Variants in XPOT observed in about 807,000 individuals in gnomAD.
The protein encoded by XPOT is exportin for tRNA, also known as exportin-T.
XPOT carries 34 observed loss-of-function variants against 128.2 expected under a neutral mutation model. The ratio of observed to expected loss-of-function variants is 0.27; its 90% CI spans 0.20 to 0.35. The LOEUF (loss-of-function observed/expected upper bound fraction) is 0.35. XPOT is among the 10% of genes least tolerant of loss of function. The probability of loss-of-function intolerance (pLI) is 1.00; values close to 1 mark genes in which losing one functional copy is unlikely to be tolerated. For synonymous variants in XPOT, 348 were observed against 394.3 expected, an observed-to-expected ratio of 0.88 and a Z score of 1.39; for missense variants, 838 against 1,125.3, an observed-to-expected ratio of 0.74 and a Z score of 3.65.
chr12:64,427,057 T>G, intron 15 of XPOT, among the ~76,000 whole-genome samples: 1 of 149,902 alleles, frequency 6.7e-6, no homozygotes, highest in East Asian at 1.9e-4. Flanking sequence ...TATGGTAGAT[T>G]TGGTTCTTCC....
chr12:64,413,654 C>A (rs932950715), intron 2 of XPOT, among the ~76,000 whole-genome samples: 2 of 152,124 alleles, frequency 1.3e-5, no homozygotes, highest in Admixed American at 1.3e-4. Context: ...CTCATTCATA[C>A]AGTTACATAG....
intron 1 of XPOT, among the ~76,000 whole-genome samples, chr12:64,405,701 C>G (rs1208433569): frequency 6.6e-6 from 1 of 152,210 alleles, no homozygotes; most frequent in Non-Finnish European, 1.5e-5. Flanking sequence ...TCACTGCAAC[C>G]TCTGCCTCCC....
rs199897284 is a variant in XPOT, at chr12:64,415,032, G to A, written c.143+43G>A. The A allele has an allele frequency of 7.8e-5, 89 of 1,137,126 alleles. No homozygotes were observed. The African/African-American group carries it at 1.1e-3, about 14-fold the overall frequency. 70.4% of individuals were successfully genotyped at this position (1,137,126 alleles called of 1,614,324 possible). A position where few individuals can be genotyped will look rare whatever the true frequency, so the allele number is the denominator to read the frequency against. The stretch of plus-strand genomic sequence containing the variant: ...TTGCATGACAATTTAAATTTCTGTG[G>A]ACATGACAGGACTGTGAAATTTACC... On this transcript the variant is annotated intron_variant, in intron 3 of 24. Coordinates refer to ENST00000332707, the MANE Select transcript of XPOT (RefSeq NM_007235.6).
At chr12:64,426,095 C>A (rs181614519) in intron 15 of XPOT, among the ~76,000 whole-genome samples, 186 bp downstream of exon 15, 2 of 152,070 alleles carry the variant, frequency 1.3e-5, no homozygotes, top group Non-Finnish European at 2.9e-5. Context: ...ATCACAAGGT[C>A]AGGAGTTGGA....
At chr12:64,407,988 A>G (rs1457580144) in intron 1 of XPOT, among the ~76,000 whole-genome samples, 1 of 152,134 alleles carries the variant, frequency 6.6e-6, no homozygotes, top group Non-Finnish European at 1.5e-5. Context: ...TGGTTTTGCT[A>G]TTCCCAAAAG....
At chr12:64,429,815 TC>T (rs763714686) in intron 16 of XPOT, among the ~76,000 whole-genome samples, 1 of 152,320 alleles carries the variant, frequency 6.6e-6, no homozygotes, top group Non-Finnish European at 1.5e-5. Flanking sequence ...TTAATAATTA[TC>T]TTACATGATC....
chr12:64,408,542 A>G (rs909962831), intron 1 of XPOT, among the ~76,000 whole-genome samples: 1 of 152,226 alleles, frequency 6.6e-6, no homozygotes, highest in South Asian at 2.1e-4. Context: ...ATCAAAAACT[A>G]GGATGCCTTT....
intron 17 of XPOT, 133 bp downstream of exon 17, chr12:64,430,420 A>T: frequency 1.3e-6 from 1 of 777,608 alleles, no homozygotes; most frequent in Non-Finnish European, 2.0e-6. Flanking sequence ...TGTCCTCCAA[A>T]TCCAGTCAGT....
In XPOT at chr12:64,420,106, AG is replaced by A; in HGVS notation, c.529del (p.Glu177AsnfsTer25). Reference sequence around the variant, plus strand: ...GAATACTCTCATAAAAGATACCATGAGGGAACAGTGCATTCCAAATCTGGTG... The same window carrying A: ...GAATACTCTCATAAAAGATACCATGAGGAACAGTGCATTCCAAATCTGGTG... ...RRNTLIKDTM[R>X]EQCIPNLVES... On this transcript the variant is annotated frameshift_variant, in exon 7 of 25. Transcript: ENST00000332707. LOFTEE classifies it high-confidence loss of function. 6.3e-7 allele frequency: 1 copy of A among 1,596,584 alleles called. No individual in the cohort carries two copies. Among genetic ancestry groups the A allele is most frequent in the Non-Finnish European group, 8.5e-7 (1 of 1,174,654 alleles).
chr12:64,423,276 G>A lies in XPOT; in HGVS notation c.1182+32G>A, dbSNP rs751067076. ...ATTTTTTTTTGTTGAGGAGAAAGGA[G>A]TTTTAATTTTATTATTATATCAAAT... On this transcript the variant is annotated intron_variant, in intron 11 of 24. Transcript: ENST00000332707. The A allele has an allele frequency of 3.6e-6, 5 of 1,379,298 alleles. No homozygotes were observed. The Admixed American group carries it at 9.5e-5, about 26-fold the overall frequency. 85.4% of individuals were successfully genotyped at this position (1,379,298 alleles called of 1,614,324 possible).
At chr12:64,420,607 T>C in intron 8 of XPOT, 86 bp downstream of exon 8, 1 of 1,075,788 alleles carries the variant, frequency 9.3e-7, no homozygotes. Context: ...AATAGCTTTT[T>C]TTCTTCTAAA....
intron 23 of XPOT, among the ~76,000 whole-genome samples, chr12:64,444,502 A>G (rs902107301): frequency 8.5e-5 from 13 of 152,242 alleles, no homozygotes; most frequent in South Asian, 2.1e-4. Flanking sequence ...GTCATATGCT[A>G]TAATGTGGAT....
intron 17 of XPOT, among the ~76,000 whole-genome samples, chr12:64,430,522 T>C (rs989531979): frequency 6.6e-5 from 10 of 151,614 alleles, no homozygotes; most frequent in Non-Finnish European, 1.2e-4. Context: ...TTCTCTGATA[T>C]AAATGGGTTG....
intron 2 of XPOT, among the ~76,000 whole-genome samples, chr12:64,412,318 C>T (rs1234552960): frequency 2.0e-5 from 3 of 152,084 alleles, no homozygotes; most frequent in African/African-American, 7.2e-5. Context: ...ACTCACCGCG[C>T]CCAGCCTCCT....
In XPOT at chr12:64,432,085, G is replaced by A. The variant is rs117432498; in HGVS notation, c.2262+262G>A. On this transcript the variant is annotated intron_variant, in intron 18 of 24. Coordinates refer to ENST00000332707, the MANE Select transcript of XPOT (RefSeq NM_007235.6). ...AGAAAACTAGTCTGCTGTTTTAGAA[G>A]AGCATATAAAACCAGTAAACTGAGT... Among the ~76,000 whole-genome samples, 599 of 152,254 alleles carry A rather than the reference G, an allele frequency of 3.9e-3. 12 individuals are homozygous for A. The East Asian group carries it at 0.063, about 16-fold the overall frequency.
intron 23 of XPOT, among the ~76,000 whole-genome samples, chr12:64,444,280 A>G (rs938495177): frequency 4.6e-5 from 7 of 152,206 alleles, no homozygotes; most frequent in African/African-American, 1.4e-4. Context: ...TAGGAGAGCT[A>G]TGTTCTCAAA....
chr12:64,416,185 G>T (rs1455597928), intron 3 of XPOT, among the ~76,000 whole-genome samples: 1 of 152,200 alleles, frequency 6.6e-6, no homozygotes, highest in African/African-American at 2.4e-5. Context: ...TTGTAATTTA[G>T]TGTCCTGTAC....
rs201135301 is a variant in XPOT, at chr12:64,420,108, G to A, written c.528G>A (p.Arg176=). 12 of 1,596,958 alleles carry A rather than the reference G, an allele frequency of 7.5e-6. No homozygotes were observed. Among genetic ancestry groups the A allele is most frequent in the Middle Eastern group, 3.3e-4 (2 of 5,986 alleles). Residue 176 remains arginine, a synonymous_variant, in exon 7 of 25, where the codon AGG becomes AGA. Coordinates refer to ENST00000332707, the MANE Select transcript of XPOT (RefSeq NM_007235.6). The part of the protein sequence containing the change: ...RRNTLIKDTM[R]EQCIPNLVES... ...ATACTCTCATAAAAGATACCATGAGGGAACAGTGCATTCCAAATCTGGTGG... is the reference window on the plus strand; with the variant it reads ...ATACTCTCATAAAAGATACCATGAGAGAACAGTGCATTCCAAATCTGGTGG...
Position 64,448,430 on chromosome 12 carries a change from A to G in XPOT, c.*299A>G, listed in dbSNP as rs1171981312. The stretch of plus-strand genomic sequence containing the variant: ...TGAAATTTTAAGTCAAGTCCTTTAT[A>G]AAGACCATAGCAGTGGAAAACAGTG... On this transcript the variant is annotated 3_prime_UTR_variant, in exon 25 of 25. Coordinates refer to ENST00000332707, the MANE Select transcript of XPOT (RefSeq NM_007235.6). 1 of 325,450 alleles carries G rather than the reference A, an allele frequency of 3.1e-6. No individual in the cohort carries two copies. The highest frequency in any genetic ancestry group is 2.1e-5 in the African/African-American group (1 of 47,422). The allele number at this position is 325,450 out of a possible 1,614,324, so 20.2% of individuals were successfully genotyped here.
Sources: allele counts gnomAD v4.1 joint callset (sites outside exome capture counted in the v4.1 genomes callset), GRCh38; gene constraint gnomAD v4.1.1; transcripts MANE v1.5; gene names NCBI Gene and HGNC (gene_info 2026-07-23, HGNC 2026-07-21).